CDKN2B-AS1: variants seen among roughly 807,000 people sequenced by gnomAD.
CDKN2B-AS1 encodes CDKN2B antisense RNA 1 (non-protein coding).
intron 2 of CDKN2B-AS1, among the ~76,000 whole-genome samples, chr9:22,048,789 C>T (rs1352680961): frequency 6.6e-6 from 1 of 152,136 alleles, no homozygotes; most frequent in East Asian, 1.9e-4. Context: ...TTGCATTACT[C>T]TTGCCTGAGG....
intron 1 of CDKN2B-AS1, among the ~76,000 whole-genome samples, chr9:22,016,154 A>T (rs1278583573): frequency 6.6e-6 from 1 of 152,070 alleles, no homozygotes; most frequent in African/African-American, 2.4e-5. Context: ...GGTGTTTTAG[A>T]CATGAAGTCC....
intron 1 of CDKN2B-AS1, among the ~76,000 whole-genome samples, chr9:21,998,913 G>A (rs996508024): frequency 6.6e-6 from 1 of 152,048 alleles, no homozygotes; most frequent in African/African-American, 2.4e-5. Context: ...GATCATATAT[G>A]TCAAAAGATT....
chr9:22,009,661 C>G (rs1821403152), intron 1 of CDKN2B-AS1, among the ~76,000 whole-genome samples: 2 of 152,166 alleles, frequency 1.3e-5, no homozygotes, highest in Admixed American at 6.5e-5. Context: ...TTGGTGGCTC[C>G]CTTGTGACCG....
intron 1 of CDKN2B-AS1, chr9:22,008,718 T>G: frequency 1.2e-6 from 2 of 1,611,706 alleles, no homozygotes; most frequent in Non-Finnish European, 1.7e-6. Flanking sequence ...ATCGGCGATC[T>G]AGGTTCCAGC....
At chr9:22,063,086 G>C (rs1281247855) in intron 4 of CDKN2B-AS1, among the ~76,000 whole-genome samples, 1 of 151,994 alleles carries the variant, frequency 6.6e-6, no homozygotes, top group African/African-American at 2.4e-5. Flanking sequence ...TAAATGTTCA[G>C]TTGAAGTTTT....
chr9:22,011,859 C>A (rs1330128834), intron 1 of CDKN2B-AS1, among the ~76,000 whole-genome samples: 1 of 152,124 alleles, frequency 6.6e-6, no homozygotes, highest in Admixed American at 6.5e-5. Flanking sequence ...TGGATGGGAA[C>A]ATAGTGGGCA....
intron 4 of CDKN2B-AS1, among the ~76,000 whole-genome samples, chr9:22,066,810 C>G (rs1563959391): frequency 6.6e-6 from 1 of 151,892 alleles, no homozygotes; most frequent in Admixed American, 6.6e-5. Flanking sequence ...GACTTGGAAC[C>G]AACCCAAATG....
intron 1 of CDKN2B-AS1, chr9:22,008,631 G>A (rs1821314794): frequency 6.3e-7 from 1 of 1,585,910 alleles, no homozygotes; most frequent in African/African-American, 1.3e-5. Context: ...CTCTCTTTAG[G>A]ATTTTTGCTG....
intron 4 of CDKN2B-AS1, among the ~76,000 whole-genome samples, chr9:22,106,314 C>T (rs560447981): frequency 6.6e-6 from 1 of 152,222 alleles, no homozygotes; most frequent in African/African-American, 2.4e-5. Context: ...AACTCTTGAC[C>T]TCATGATCCG....
chr9:22,021,249 T>A (rs1822006797), intron 1 of CDKN2B-AS1, among the ~76,000 whole-genome samples: 1 of 151,964 alleles, frequency 6.6e-6, no homozygotes, highest in Non-Finnish European at 1.5e-5. Context: ...CTTTTTTTTA[T>A]GTTCTTAACT....
At chr9:22,073,794 T>C (rs1448486026) in intron 4 of CDKN2B-AS1, among the ~76,000 whole-genome samples, 2 of 152,124 alleles carry the variant, frequency 1.3e-5, no homozygotes, top group African/African-American at 4.8e-5. Flanking sequence ...TATTTGAGAG[T>C]TGGTTGAAAT....
chr9:22,062,311 A>G (rs750811304), intron 4 of CDKN2B-AS1, among the ~76,000 whole-genome samples: 3 of 152,220 alleles, frequency 2.0e-5, no homozygotes, highest in Non-Finnish European at 4.4e-5. Context: ...AAGGGTCTTT[A>G]TGTATACAAT....
intron 1 of CDKN2B-AS1, among the ~76,000 whole-genome samples, chr9:22,017,192 C>T (rs561951430): frequency 3.3e-5 from 5 of 152,018 alleles, no homozygotes; most frequent in African/African-American, 4.8e-5. Flanking sequence ...TTTGGGAGGC[C>T]GAGGCGCGCA....
intron 4 of CDKN2B-AS1, among the ~76,000 whole-genome samples, chr9:22,115,502 A>T (rs539476819): frequency 6.6e-6 from 1 of 152,298 alleles, no homozygotes; most frequent in East Asian, 1.9e-4. Flanking sequence ...CCGAAGAGAA[A>T]CCTGAAAAAA....
chr9:22,072,468 T>A (rs1441925829), intron 4 of CDKN2B-AS1, among the ~76,000 whole-genome samples: 2 of 152,216 alleles, frequency 1.3e-5, no homozygotes, highest in African/African-American at 4.8e-5. Context: ...TAGAGCCAGG[T>A]TCCATTTCAT....
Position 22,083,908 on chromosome 9 carries a change from A to G in CDKN2B-AS1, n.438+27521A>G, listed in dbSNP as rs185937461. ...TTGGGTGGTGATGGCGCTATATATT[A>G]CATGGAATTTTCAAAATACTCAAAA... On this transcript the variant is annotated intron_variant and non_coding_transcript_variant, in intron 4 of 4. Coordinates refer to ENST00000650946, the Ensembl canonical transcript of CDKN2B-AS1. 4.6e-5 allele frequency among the ~76,000 whole-genome samples: 7 copies of G among 152,342 alleles called. No individual in the cohort carries two copies. The East Asian group carries it at 5.8e-4, about 13-fold the overall frequency.
In CDKN2B-AS1 at chr9:22,070,773, A is replaced by G. The variant is rs149465097; in HGVS notation, n.438+14386A>G. Reference sequence around the variant, plus strand: ...CACAGCAAGATATTAAGATTCCTCAAAACAGTTCATATATTTTATAAATTA... The same window carrying G: ...CACAGCAAGATATTAAGATTCCTCAGAACAGTTCATATATTTTATAAATTA... On this transcript the variant is annotated intron_variant and non_coding_transcript_variant, in intron 4 of 4. Coordinates refer to ENST00000650946, the Ensembl canonical transcript of CDKN2B-AS1. Among the ~76,000 whole-genome samples, 39 of 152,320 alleles carry G rather than the reference A, an allele frequency of 2.6e-4. 1 individual carries two copies. In the East Asian group the frequency reaches 6.2e-3, roughly 24 times the overall value.
chr9:22,054,618 T>C (rs1408010696), intron 3 of CDKN2B-AS1, among the ~76,000 whole-genome samples: 8 of 151,994 alleles, frequency 5.3e-5, no homozygotes, highest in East Asian at 3.8e-4. Flanking sequence ...AATGATAGGA[T>C]TGAAAATCAA....
chr9:22,111,167 C>T (rs1304211212), intron 4 of CDKN2B-AS1, among the ~76,000 whole-genome samples: 1 of 151,844 alleles, frequency 6.6e-6, no homozygotes, highest in Non-Finnish European at 1.5e-5. Context: ...TACTACCTGG[C>T]GTGTATATGT....
Sources: gnomAD v4.1 joint callset for allele counts (sites outside exome capture counted in the v4.1 genomes callset) on GRCh38, gnomAD v4.1.1 for gene constraint, MANE v1.5 for transcripts, NCBI Gene and HGNC (gene_info 2026-07-23, HGNC 2026-07-21) for gene names.